The following CERT1 variants were observed in gnomAD, a reference collection of about 807,000 sequenced individuals.
The protein encoded by CERT1 is ceramide transporter 1, also known as ceramide transfer protein.
CERT1 carries 31 observed loss-of-function variants against 87.9 expected under a neutral mutation model. That is an observed-to-expected ratio of 0.35 (90% CI 0.27 to 0.48). The LOEUF (loss-of-function observed/expected upper bound fraction) is 0.48. Among genes scored for constraint, CERT1 ranks in the 20% least tolerant of loss-of-function variants. The pLI is 0.99. For missense variants in CERT1, 487 were observed against 758.0 expected (o/e 0.64, Z 4.20); for synonymous variants, 289 against 250.9 (o/e 1.15, Z -1.44).
intron 3 of CERT1, among the ~76,000 whole-genome samples, chr5:75,452,724 TCTTAA>T (rs2112286460): frequency 6.6e-6 from 1 of 152,302 alleles, no homozygotes; most frequent in East Asian, 1.9e-4. Flanking sequence ...CTTTACACAA[TCTTAA>T]CTTTAATTCA....
intron 1 of CERT1, among the ~76,000 whole-genome samples, chr5:75,510,787 C>T (rs111574589): frequency 6.6e-6 from 1 of 152,122 alleles, no homozygotes; most frequent in African/African-American, 2.4e-5. Flanking sequence ...CCCAGTCGTT[C>T]GGACACCGCT....
At chr5:75,431,794 A>C (rs1352289483) in intron 3 of CERT1, among the ~76,000 whole-genome samples, 1 of 152,088 alleles carries the variant, frequency 6.6e-6, no homozygotes, top group Non-Finnish European at 1.5e-5. Flanking sequence ...TATATGCCAC[A>C]TTTTATTTAT....
At chr5:75,462,493 C>T (rs948453346) in intron 2 of CERT1, among the ~76,000 whole-genome samples, 5 of 152,132 alleles carry the variant, frequency 3.3e-5, no homozygotes, top group Non-Finnish European at 7.4e-5. Context: ...TGTCGGCTTG[C>T]CTGACACTCA....
At chr5:75,496,285 TAA>T (rs769610257) in intron 2 of CERT1, among the ~76,000 whole-genome samples, 6 of 123,066 alleles carry the variant, frequency 4.9e-5, no homozygotes, top group African/African-American at 3.0e-5. Flanking sequence ...TGGTTAAGAT[TAA>T]AAAAAAAAAA....
In CERT1 at chr5:75,381,127, T is replaced by C; in HGVS notation, c.1692A>G (p.Gly564=). The change falls in exon 16 of 17, where the codon GGA becomes GGG. Residue 564 remains glycine (G), a synonymous_variant. Coordinates refer to ENST00000643780, the MANE Select transcript of CERT1 (RefSeq NM_001379029.1). ...ICQTLVSPPE[G]NQEISRDNIL... is the part of the protein sequence containing the mutation. ...TGTTGTCCCTGCTAATTTCCTGGTT[T>C]CCCTCTGGTGGGCTTACCAAGGTTT... 3 of 1,614,106 alleles carry C rather than the reference T, an allele frequency of 1.9e-6. No homozygotes were observed. The highest frequency in any genetic ancestry group is 2.5e-6 in the Non-Finnish European group (3 of 1,179,974).
intron 1 of CERT1, 97 bp from the exon 2 acceptor site, chr5:75,506,213 C>A (rs1434742889): frequency 2.5e-6 from 3 of 1,188,702 alleles, no homozygotes; most frequent in African/African-American, 3.1e-5. Flanking sequence ...ATTTTAAAAC[C>A]AAAACGTGAA....
At chr5:75,438,258 T>C (rs1183159903) in intron 3 of CERT1, among the ~76,000 whole-genome samples, 2 of 152,156 alleles carry the variant, frequency 1.3e-5, no homozygotes, top group Admixed American at 6.5e-5. Context: ...CAAAAGTAGT[T>C]CTAAAAGAAA....
Position 75,378,121 on chromosome 5 carries a change from A to C in CERT1, c.*1225T>G, listed in dbSNP as rs539402207. 6.6e-6 allele frequency: 1 copy of C among 152,282 alleles called. No individual in the cohort carries two copies. The highest frequency in any genetic ancestry group is 2.1e-4 in the South Asian group (1 of 4,818). 9.4% of individuals were successfully genotyped at this position (152,282 alleles called of 1,614,324 possible). On this transcript the variant is annotated 3_prime_UTR_variant, in exon 17 of 17. Transcript: ENST00000643780. ...TCATGTTAACGTATCACTTACTTTA[A>C]AAAGTTAAAGATTTTGGGCTGAGTG...
At chr5:75,374,987 T>C (rs1171945300), downstream of CERT1, 1 of 238,150 alleles carries the variant, frequency 4.2e-6, no homozygotes, top group African/African-American at 2.3e-5. Flanking sequence ...AGCTTATTCA[T>C]GTAAATCAAA....
intron 9 of CERT1, 32 bp downstream of exon 9, chr5:75,402,940 T>C: frequency 2.2e-6 from 3 of 1,366,798 alleles, no homozygotes; most frequent in Middle Eastern, 3.6e-4. Flanking sequence ...TTAAAATAAA[T>C]TTCAGCTTAG....
At chr5:75,447,915 C>T (rs1421980745) in intron 3 of CERT1, among the ~76,000 whole-genome samples, 1 of 152,162 alleles carries the variant, frequency 6.6e-6, no homozygotes, top group Non-Finnish European at 1.5e-5. Flanking sequence ...GATGGGACTA[C>T]AGGCATGTGC....
At chr5:75,372,663 TAATA>T (rs1416837410) in intron 17 of CERT1, 1 of 152,256 alleles carries the variant, frequency 6.6e-6, no homozygotes, top group African/African-American at 2.4e-5. Flanking sequence ...CTGTACAGAA[TAATA>T]AATATCACTA....
chr5:75,492,558 CAGTT>C (rs1014423105), intron 2 of CERT1, among the ~76,000 whole-genome samples: 6 of 152,040 alleles, frequency 3.9e-5, no homozygotes, highest in African/African-American at 1.2e-4. Context: ...GTCAAGGTGC[CAGTT>C]AGACAAGCAG....
At chr5:75,461,703 G>C (rs569063809) in intron 2 of CERT1, among the ~76,000 whole-genome samples, 1 of 152,106 alleles carries the variant, frequency 6.6e-6, no homozygotes, top group East Asian at 1.9e-4. Flanking sequence ...ATGCAGACAA[G>C]GGAGCCATTT....
In CERT1 at chr5:75,434,481, T is replaced by C. The variant is rs10473973; in HGVS notation, c.349-8003A>G. Among the ~76,000 whole-genome samples, 786 of 152,204 alleles carry C rather than the reference T, an allele frequency of 5.2e-3. 1 individual carries two copies. The highest frequency in any genetic ancestry group is 9.8e-3 in the South Asian group (47 of 4,818). On this transcript the variant is annotated intron_variant, in intron 3 of 16. Coordinates refer to ENST00000643780, the MANE Select transcript of CERT1 (RefSeq NM_001379029.1). Reference sequence around the variant, plus strand: ...TTGTTGTGTCTCTGCCAGGTTTTGGTATAAGAATGATGCTGGCCTCAGAAT... The same window carrying C: ...TTGTTGTGTCTCTGCCAGGTTTTGGCATAAGAATGATGCTGGCCTCAGAAT...
At position 75,511,599 on chromosome 5, in the gene CERT1, C is replaced by G; in HGVS notation, c.-392G>C. The G allele has an allele frequency of 6.8e-7, 1 of 1,466,610 alleles. No homozygotes were observed. The highest frequency in any genetic ancestry group is 9.0e-7 in the Non-Finnish European group (1 of 1,108,956). 90.8% of individuals were successfully genotyped at this position (1,466,610 alleles called of 1,614,324 possible). ...CCGCGTCCACTCACACCTCCGCTACCGCCGCCATCTTCCTGCCTGGCCCAC... is the reference window on the plus strand; with the variant it reads ...CCGCGTCCACTCACACCTCCGCTACGGCCGCCATCTTCCTGCCTGGCCCAC... On this transcript the variant is annotated 5_prime_UTR_variant, in exon 1 of 17. Transcript: ENST00000643780.
chr5:75,483,086 T>C (rs1766331829), intron 2 of CERT1, among the ~76,000 whole-genome samples: 2 of 152,222 alleles, frequency 1.3e-5, no homozygotes, highest in South Asian at 4.1e-4. Context: ...AAATGTGCCC[T>C]TTAAGATACG....
At chr5:75,413,870 AC>A (rs538228494) in intron 7 of CERT1, among the ~76,000 whole-genome samples, 155 of 152,326 alleles carry the variant, frequency 1.0e-3, no homozygotes, top group Non-Finnish European at 1.8e-3. Context: ...TTAAGCATAT[AC>A]CCCTATGAAT....
chr5:75,447,599 T>G (rs1764603412), intron 3 of CERT1, among the ~76,000 whole-genome samples: 1 of 151,710 alleles, frequency 6.6e-6, no homozygotes, highest in African/African-American at 2.4e-5. Flanking sequence ...GCCTCCCGAG[T>G]AGCTGGGACT....
Sources: allele counts gnomAD v4.1 joint callset (sites outside exome capture counted in the v4.1 genomes callset), GRCh38; gene constraint gnomAD v4.1.1; transcripts MANE v1.5; gene names NCBI Gene and HGNC (gene_info 2026-07-23, HGNC 2026-07-21).